Variants in TSHZ2 observed in about 807,000 individuals in gnomAD.
TSHZ2 encodes teashirt zinc finger homeobox 2.
Under a neutral mutation model 74.4 loss-of-function variants are expected in TSHZ2, and 21 were observed. The observed-to-expected ratio is 0.28, with a 90% confidence interval of 0.20 to 0.41. The LOEUF (loss-of-function observed/expected upper bound fraction) is 0.41. Ranked by LOEUF, TSHZ2 falls within the 10% of genes least tolerant of loss-of-function variation. TSHZ2 has a pLI of 1.00. For missense variants in TSHZ2, 1,244 were observed against 1,293.5 expected (o/e 0.96, Z 0.59); for synonymous variants, 540 against 515.3 (o/e 1.05, Z -0.65).
At chr20:53,219,021 T>A (rs1482913261) in intron 1 of TSHZ2, among the ~76,000 whole-genome samples, 1 of 152,194 alleles carries the variant, frequency 6.6e-6, no homozygotes, top group African/African-American at 2.4e-5. Flanking sequence ...GAACCACAGC[T>A]TGCTAAGCCC....
chr20:53,475,058 G>A (rs1431344988), intron 2 of TSHZ2, among the ~76,000 whole-genome samples: 1 of 138,514 alleles, frequency 7.2e-6, no homozygotes, highest in Non-Finnish European at 1.5e-5. Flanking sequence ...CATTAATAAT[G>A]GGAGACTTTA....
At chr20:53,278,541 G>A (rs1389109181) in intron 2 of TSHZ2, among the ~76,000 whole-genome samples, 1 of 152,038 alleles carries the variant, frequency 6.6e-6, no homozygotes, top group East Asian at 1.9e-4. Context: ...TTACTACCCT[G>A]CCCTAGTTTT....
chr20:53,386,643 G>T (rs552294819), intron 2 of TSHZ2, among the ~76,000 whole-genome samples: 1 of 152,172 alleles, frequency 6.6e-6, no homozygotes, highest in African/African-American at 2.4e-5. Flanking sequence ...CGAATGCCCC[G>T]TTGCCTTTGG....
At chr20:53,072,939 A>G (rs1031302543) in intron 1 of TSHZ2, among the ~76,000 whole-genome samples, 1 of 150,208 alleles carries the variant, frequency 6.7e-6, no homozygotes, top group African/African-American at 2.4e-5. Context: ...TAATCCATTC[A>G]TCCATCCCTC....
intron 1 of TSHZ2, among the ~76,000 whole-genome samples, chr20:53,035,249 A>G (rs1205663089): frequency 6.6e-6 from 1 of 152,140 alleles, no homozygotes; most frequent in Non-Finnish European, 1.5e-5. Flanking sequence ...TCTCCATAGC[A>G]ATGAGTCCTC....
chr20:53,482,199 C>T (rs975452811), intron 2 of TSHZ2, among the ~76,000 whole-genome samples: 7 of 149,908 alleles, frequency 4.7e-5, no homozygotes, highest in Admixed American at 6.6e-5. Context: ...ATGTTCAGCA[C>T]TTGAAAACAA....
At chr20:53,050,124 T>TATATATATACACACAC (rs1409158633) in intron 1 of TSHZ2, among the ~76,000 whole-genome samples, 19 of 107,156 alleles carry the variant, frequency 1.8e-4, no homozygotes, top group African/African-American at 1.2e-3. Context: ...TATATATATA[T>TATATATATACACACAC]ACACATATAT....
At chr20:53,391,156 G>GTTTTGTTTTGTTTTGTTTTGTTTTGT (rs752934627) in intron 2 of TSHZ2, among the ~76,000 whole-genome samples, 1 of 63,044 alleles carries the variant, frequency 1.6e-5, no homozygotes, top group African/African-American at 6.0e-5. Context: ...TTTTGTTTTG[G>GTTTTGTTTTGTTTTGTTTTGTTTTGT]TTTGGTTTGA....
intron 1 of TSHZ2, among the ~76,000 whole-genome samples, chr20:53,215,012 TG>T (rs1437876133): frequency 2.0e-5 from 3 of 152,142 alleles, no homozygotes; most frequent in Non-Finnish European, 4.4e-5. Context: ...AAAAATCCAA[TG>T]GACACTGAGA....
chr20:53,392,326 C>T (rs1313439361), intron 2 of TSHZ2, among the ~76,000 whole-genome samples: 10 of 152,138 alleles, frequency 6.6e-5, no homozygotes. Flanking sequence ...TGCCTGTAAT[C>T]CCAGCTACTT....
chr20:52,980,191 G>A (rs917176622), intron 1 of TSHZ2, among the ~76,000 whole-genome samples: 14 of 152,216 alleles, frequency 9.2e-5, no homozygotes, highest in Non-Finnish European at 1.6e-4. Context: ...CAGGGTTCAA[G>A]ATCAAGAGAA....
chr20:53,116,567 C>T (rs1320073382), intron 1 of TSHZ2, among the ~76,000 whole-genome samples: 2 of 152,146 alleles, frequency 1.3e-5, no homozygotes. Context: ...AATTTTAGGG[C>T]AAACTGACCA....
chr20:53,249,386 T>C (rs1036235605), intron 1 of TSHZ2, among the ~76,000 whole-genome samples: 3 of 152,234 alleles, frequency 2.0e-5, no homozygotes, highest in Admixed American at 6.5e-5. Flanking sequence ...AGGAGCATTC[T>C]GACTGCATGG....
intron 1 of TSHZ2, among the ~76,000 whole-genome samples, chr20:52,982,323 C>T (rs761777996): frequency 1.3e-5 from 2 of 152,104 alleles, no homozygotes. Context: ...ATAGTCATAG[C>T]GAGTTGCCAG....
chr20:53,100,489 T>G lies in TSHZ2; in HGVS notation c.40+127156T>G, dbSNP rs576776615. ...GAGTCACTTTAATGTTGGGAAATTC[T>G]ACCACAGGATAATGCTTTTTGGCAA... On this transcript the variant is annotated intron_variant, in intron 1 of 2. Transcript: ENST00000371497. Among the ~76,000 whole-genome samples the G allele has an allele frequency of 4.9e-4, 74 of 152,360 alleles. 1 individual carries two copies. The highest frequency in any genetic ancestry group is 4.0e-3 in the Admixed American group (62 of 15,310).
intron 1 of TSHZ2, among the ~76,000 whole-genome samples, chr20:53,076,841 C>T (rs1327400469): frequency 6.6e-6 from 1 of 152,116 alleles, no homozygotes; most frequent in African/African-American, 2.4e-5. Flanking sequence ...AAGGGACTTG[C>T]AGATGCATAA....
chr20:53,369,401 A>G (rs2145619207), intron 2 of TSHZ2, among the ~76,000 whole-genome samples: 1 of 152,208 alleles, frequency 6.6e-6, no homozygotes, highest in South Asian at 2.1e-4. Context: ...GGGAAAGGGA[A>G]TAGTCATTGA....
intron 2 of TSHZ2, among the ~76,000 whole-genome samples, chr20:53,483,016 CT>C (rs541443062): frequency 1.3e-4 from 20 of 152,244 alleles, no homozygotes; most frequent in Non-Finnish European, 2.2e-4. Context: ...TGTAGGAACA[CT>C]GACCTTACCA....
Position 53,046,545 on chromosome 20 carries a change from G to A in TSHZ2, c.40+73212G>A, listed in dbSNP as rs779892113. On this transcript the variant is annotated intron_variant, in intron 1 of 2. Coordinates refer to ENST00000371497, the MANE Select transcript of TSHZ2 (RefSeq NM_173485.6). ...ATGAAAACAGTTGCTAGAAGTCTGC[G>A]GTGAATGCAGAGGGAGCAAACTCTG... 4.6e-5 allele frequency among the ~76,000 whole-genome samples: 7 copies of A among 152,148 alleles called. 1 individual carries two copies. Among genetic ancestry groups the A allele is most frequent in the Admixed American group, 2.0e-4 (3 of 15,290 alleles).
Sources: allele counts gnomAD v4.1 joint callset (sites outside exome capture counted in the v4.1 genomes callset), GRCh38; gene constraint gnomAD v4.1.1; transcripts MANE v1.5; gene names NCBI Gene and HGNC (gene_info 2026-07-23, HGNC 2026-07-21).